Variants in ZNF594 observed in about 807,000 individuals in gnomAD.
ZNF594 encodes zinc finger protein 594.
For missense variants in ZNF594, 1,037 were observed against 964.6 expected (o/e 1.08, Z -0.99); for synonymous variants, 336 against 309.4 (o/e 1.09, Z -0.90).
Position 5,182,695 on chromosome 17 carries a change from C to T in ZNF594, c.1562G>A (p.Cys521Tyr). The change falls in exon 2 of 2, where the codon TGT becomes TAT. Residue 521 changes from cysteine (C) to tyrosine (Y), a missense_variant. Physicochemically the swap from Cys to Tyr is radical, Grantham distance 194 (BLOSUM62 -2). Coordinates refer to ENST00000575779, the MANE Select transcript of ZNF594 (RefSeq NM_032530.2). ...TGTGCGCCAAATGAAGAGCTTCCCA[C>T]ATTCCTTACATTCATAGGGTTTCTC... Reference protein sequence around the residue: ...SGEKPYECKECGKLFIWRTAF... With the variant: ...SGEKPYECKEYGKLFIWRTAF... The T allele has an allele frequency of 1.2e-6, 2 of 1,614,098 alleles. No individual in the cohort carries two copies. Among genetic ancestry groups the T allele is most frequent in the Non-Finnish European group, 8.5e-7 (1 of 1,180,022 alleles).
intron 1 of ZNF594, among the ~76,000 whole-genome samples, chr17:5,185,812 G>A (rs879154641): frequency 1.4e-4 from 21 of 152,154 alleles, no homozygotes; most frequent in African/African-American, 4.6e-4. Context: ...ATGCAAGTCC[G>A]AAATCCAGCA....
chr17:5,190,710 T>C (rs1286063691), intron 1 of ZNF594, among the ~76,000 whole-genome samples: 1 of 152,130 alleles, frequency 6.6e-6, no homozygotes, highest in Non-Finnish European at 1.5e-5. Flanking sequence ...TACCCTACTT[T>C]GTTTTAACCT....
rs2074361189 is a variant in ZNF594 at position 5,183,281 on chromosome 17, G to C, written c.976C>G (p.His326Asp). The C allele has an allele frequency of 1.2e-6, 2 of 1,613,772 alleles. No individual in the cohort carries two copies. Among genetic ancestry groups the C allele is most frequent in the Non-Finnish European group, 1.7e-6 (2 of 1,179,984 alleles). ...LHSGEKPYEC[H>D]RCGKTFSGRT... Reference sequence around the variant, plus strand: ...CCACTGAAGGTCTTCCCACATCTGTGACATTCATAGGGTTTCTCTCCACTG... The same window carrying C: ...CCACTGAAGGTCTTCCCACATCTGTCACATTCATAGGGTTTCTCTCCACTG... The change falls in exon 2 of 2, where the codon CAC (histidine) becomes GAC (aspartate). Residue 326 changes from histidine to aspartate, a missense_variant. Physicochemically the swap from His to Asp is moderately conservative, Grantham distance 81. Transcript: ENST00000575779.
rs200830913 is a variant in ZNF594 at position 5,182,162 on chromosome 17, G to A, written c.2095C>T (p.Arg699Trp). ...GGTTTCTCACCACTATGAAGTCTCC[G>A]ATGTTGAATAAGGAGGGAACGCCGC... ...FRRRSLLIQH[R>W]RLHSGEKPYE... Residue 699 changes from arginine (R) to tryptophan (W), a missense_variant, in exon 2 of 2, where the codon CGG (arginine) becomes TGG (tryptophan). Physicochemically the swap from Arg to Trp is moderately radical, Grantham distance 101 (BLOSUM62 -3). Coordinates refer to ENST00000575779, the MANE Select transcript of ZNF594 (RefSeq NM_032530.2). 1.0e-4 allele frequency: 162 copies of A among 1,613,480 alleles called. 1 individual carries two copies. Among genetic ancestry groups the A allele is most frequent in the Middle Eastern group, 3.3e-4 (2 of 6,060 alleles).
chr17:5,177,190 T>C (rs760455837), downstream of ZNF594, among the ~76,000 whole-genome samples: 8 of 44,172 alleles, frequency 1.8e-4, no homozygotes. Context: ...AGTGAGTCTC[T>C]GTCTCATAAA....
At chr17:5,175,122 C>CT (rs1364680139), downstream of ZNF594, 2 of 165,806 alleles carry the variant, frequency 1.2e-5, no homozygotes, top group African/African-American at 4.8e-5. Flanking sequence ...TGCTTCATCT[C>CT]TGAGGTTGGA....
intron 1 of ZNF594, among the ~76,000 whole-genome samples, chr17:5,186,044 G>A (rs2074384461): frequency 6.6e-6 from 1 of 152,152 alleles, no homozygotes; most frequent in Admixed American, 6.6e-5. Flanking sequence ...TACCATTCTG[G>A]GGTCTGGAGG....
chr17:5,185,633 ACAGTT>A (rs2074381332), intron 1 of ZNF594, among the ~76,000 whole-genome samples: 1 of 152,154 alleles, frequency 6.6e-6, no homozygotes, highest in African/African-American at 2.4e-5. Context: ...CCAAAAGTCC[ACAGTT>A]CAAAGTCTCA....
chr17:5,190,419 C>A (rs151277438), intron 1 of ZNF594, among the ~76,000 whole-genome samples: 198 of 152,228 alleles, frequency 1.3e-3, no homozygotes, highest in African/African-American at 4.5e-3. Context: ...ACAGCATGAG[C>A]CAAGAAAATG....
In ZNF594 at chr17:5,183,018, G is replaced by A; in HGVS notation, c.1239C>T (p.Phe413=). 1 of 1,614,008 alleles carries A rather than the reference G, an allele frequency of 6.2e-7. No homozygotes were observed. The highest frequency in any genetic ancestry group is 8.5e-7 in the Non-Finnish European group (1 of 1,179,984). The change falls in exon 2 of 2, where the codon TTC becomes TTT. Residue 413 remains phenylalanine (F), a synonymous_variant. Coordinates refer to ENST00000575779, the MANE Select transcript of ZNF594 (RefSeq NM_032530.2). The stretch of plus-strand genomic sequence containing the variant: ...GTCTCAGAAGGTCTGAGCTCTGATT[G>A]AAAGTTTTCCCACATTCTTTACATT... ...PYECKECGKT[F]NQSSDLLRHH...
At position 5,180,698 on chromosome 17, in the gene ZNF594, A is replaced by C; in HGVS notation, c.*1135T>G. The C allele has an allele frequency of 4.1e-6, 1 of 242,142 alleles. No individual in the cohort carries two copies. The highest frequency in any genetic ancestry group is 8.2e-6 in the Non-Finnish European group (1 of 122,456). 15.0% of individuals were successfully genotyped at this position (242,142 alleles called of 1,614,324 possible). On this transcript the variant is annotated 3_prime_UTR_variant, in exon 2 of 2. Transcript: ENST00000575779. The stretch of plus-strand genomic sequence containing the variant: ...TGTTAAAAAATAAATAATTTAAAAA[A>C]TTGTATCGTTGGGACCATATTCTAG...
At position 5,183,430 on chromosome 17, in the gene ZNF594, A is replaced by C; in HGVS notation, c.827T>G (p.Phe276Cys). Reference sequence around the variant, plus strand: ...TGGGACAAGGTGTGAACTTTGACTGAACATCTGTCCACAGTCATAACATTC... The same window carrying C: ...TGGGACAAGGTGTGAACTTTGACTGCACATCTGTCCACAGTCATAACATTC... ...PYECYDCGQM[F>C]SQSSHLVPHQ... The change falls in exon 2 of 2, where the codon TTC becomes TGC. Residue 276 changes from phenylalanine to cysteine, a missense_variant. Transcript: ENST00000575779. 6.2e-7 allele frequency: 1 copy of C among 1,613,876 alleles called. No homozygotes were observed. Among genetic ancestry groups the C allele is most frequent in the Non-Finnish European group, 8.5e-7 (1 of 1,180,030 alleles).
rs760261117 is a variant in ZNF594 at position 5,181,853 on chromosome 17, T to C, written c.2404A>G (p.Arg802Gly). ...GAATTCTATGATGTCTCAGAAGGTC[T>C]GAGCTCTGATTGAGTTTTCCCACAT... ...KECGKTQSEL[R>G]PSETS Residue 802 changes from arginine to glycine, a missense_variant, in exon 2 of 2, where the codon AGA becomes GGA. Arg to Gly is a moderately radical substitution (Grantham distance 125, BLOSUM62 -2). Coordinates refer to ENST00000575779, the MANE Select transcript of ZNF594 (RefSeq NM_032530.2). 5 of 1,614,004 alleles carry C rather than the reference T, an allele frequency of 3.1e-6. No individual in the cohort carries two copies. The African/African-American group carries it at 5.3e-5, about 17-fold the overall frequency.
At position 5,183,433 on chromosome 17, in the gene ZNF594, A is replaced by G. The variant is rs770543376; in HGVS notation, c.824T>C (p.Met275Thr). ...GACAAGGTGTGAACTTTGACTGAAC[A>G]TCTGTCCACAGTCATAACATTCATA... is the stretch of plus-strand genomic sequence containing the variant. ...KPYECYDCGQ[M>T]FSQSSHLVPH... Residue 275 changes from methionine to threonine, a missense_variant, in exon 2 of 2, where the codon ATG becomes ACG. Physicochemically the swap from Met to Thr is moderately conservative, Grantham distance 81 (BLOSUM62 -1). Coordinates refer to ENST00000575779, the MANE Select transcript of ZNF594 (RefSeq NM_032530.2). 1 of 1,613,630 alleles carries G rather than the reference A, an allele frequency of 6.2e-7. No homozygotes were observed. Among genetic ancestry groups the G allele is most frequent in the Non-Finnish European group, 8.5e-7 (1 of 1,179,984 alleles).
chr17:5,178,605 GTTA>G (rs2074320098), downstream of ZNF594, among the ~76,000 whole-genome samples: 1 of 152,156 alleles, frequency 6.6e-6, no homozygotes, highest in Non-Finnish European at 1.5e-5. Flanking sequence ...CAATATAGGT[GTTA>G]TTATATGTGG....
At chr17:5,178,735 T>A (rs547196432), downstream of ZNF594, among the ~76,000 whole-genome samples, 94 of 152,248 alleles carry the variant, frequency 6.2e-4, no homozygotes, top group African/African-American at 2.1e-3. Context: ...TGCCTATGAA[T>A]ATGTGAATTA....
chr17:5,189,695 T>C (rs1311003581), intron 1 of ZNF594, among the ~76,000 whole-genome samples: 5 of 151,714 alleles, frequency 3.3e-5, no homozygotes, highest in Admixed American at 1.3e-4. Context: ...CTAGTTTAAA[T>C]AATTTTTTTG....
downstream of ZNF594, among the ~76,000 whole-genome samples, chr17:5,178,835 C>T (rs571934955): frequency 3.3e-5 from 5 of 152,232 alleles, no homozygotes; most frequent in East Asian, 9.7e-4. Flanking sequence ...AATTACGGTA[C>T]AATGACCAGA....
Position 5,183,936 on chromosome 17 carries a change from G to A in ZNF594, c.321C>T (p.Asn107=), listed in dbSNP as rs768945400. Reference sequence around the variant, plus strand: ...CAGTTAATCCTGACTTCTGTTTGAAGTTTTGGCCACTAACCTCATATCTAT... The same window carrying A: ...CAGTTAATCCTGACTTCTGTTTGAAATTTTGGCCACTAACCTCATATCTAT... ...SSHRYEVSGQ[N]FKQKSGLTEH... is the part of the protein sequence containing the mutation. Residue 107 remains asparagine, a synonymous_variant, in exon 2 of 2, where the codon AAC becomes AAT. Transcript: ENST00000575779. The A allele has an allele frequency of 6.2e-7, 1 of 1,613,860 alleles. No homozygotes were observed. Among genetic ancestry groups the A allele is most frequent in the South Asian group, 1.1e-5 (1 of 91,070 alleles).
Sources: gnomAD v4.1 joint callset for allele counts (sites outside exome capture counted in the v4.1 genomes callset) on GRCh38, gnomAD v4.1.1 for gene constraint, MANE v1.5 for transcripts, NCBI Gene and HGNC (gene_info 2026-07-23, HGNC 2026-07-21) for gene names.